The following SIMC1 variants were observed in gnomAD, a reference collection of about 807,000 sequenced individuals.
SIMC1 encodes SUMO-interacting motif-containing protein 1.
In SIMC1, 55 loss-of-function variants were observed where a neutral mutation model predicts 82.3. That is an observed-to-expected ratio of 0.67 (90% CI 0.54 to 0.84). The LOEUF (loss-of-function observed/expected upper bound fraction) is 0.84. SIMC1 is among the 40% of genes least tolerant of loss of function. The pLI is 0.00. For missense variants in SIMC1, 915 were observed against 1,107.2 expected (o/e 0.83, Z 2.46); for synonymous variants, 353 against 426.3 (o/e 0.83, Z 2.12).
intron 1 of SIMC1, among the ~76,000 whole-genome samples, chr5:176,261,747 C>CAA (rs370484804): frequency 8.3e-6 from 1 of 121,000 alleles, no homozygotes; most frequent in African/African-American, 2.9e-5. Flanking sequence ...GACTCTGTCT[C>CAA]AAAAAAAAAA....
At chr5:176,260,645 A>G (rs1286058476) in intron 1 of SIMC1, among the ~76,000 whole-genome samples, 1 of 152,106 alleles carries the variant, frequency 6.6e-6, no homozygotes, top group Non-Finnish European at 1.5e-5. Context: ...AGTTCCTTGC[A>G]GTGGAATTTT....
At chr5:176,249,466 T>C (rs1267857343) in intron 1 of SIMC1, among the ~76,000 whole-genome samples, 1 of 152,140 alleles carries the variant, frequency 6.6e-6, no homozygotes, top group Non-Finnish European at 1.5e-5. Context: ...TATTATTTTT[T>C]ATTGTATCTA....
At chr5:176,255,319 T>C (rs373429531) in intron 1 of SIMC1, among the ~76,000 whole-genome samples, 13 of 152,006 alleles carry the variant, frequency 8.6e-5, no homozygotes, top group African/African-American at 2.4e-4. Context: ...CTGTGGCTCA[T>C]GCCTGTAATC....
At chr5:176,285,755 A>G (rs552299325) in intron 1 of SIMC1, among the ~76,000 whole-genome samples, 10,377 of 152,164 alleles carry the variant, frequency 0.068, 1,169 homozygotes, top group African/African-American at 0.24. Flanking sequence ...TCTCAGCCCA[A>G]AATCTCCTTA....
intron 1 of SIMC1, chr5:176,263,405 A>G: frequency 6.5e-7 from 1 of 1,533,090 alleles, no homozygotes; most frequent in Non-Finnish European, 8.8e-7. Flanking sequence ...TATTTGGCTC[A>G]TAATTCTGCA....
At chr5:176,322,480 A>G (rs1435224108) in intron 6 of SIMC1, 55 bp downstream of exon 6, 5 of 1,529,018 alleles carry the variant, frequency 3.3e-6, no homozygotes, top group Non-Finnish European at 3.5e-6. Flanking sequence ...TGTTTTAGAG[A>G]GAACAACACC....
chr5:176,337,400 C>A (rs1458945073), intron 9 of SIMC1, among the ~76,000 whole-genome samples: 2 of 152,144 alleles, frequency 1.3e-5, no homozygotes, highest in South Asian at 4.1e-4. Context: ...GAACCTCCAG[C>A]CTGGCCAACA....
At chr5:176,284,042 G>A (rs373463391) in intron 1 of SIMC1, among the ~76,000 whole-genome samples, 1 of 152,050 alleles carries the variant, frequency 6.6e-6, no homozygotes, top group East Asian at 1.9e-4. Flanking sequence ...TTAGAGACCT[G>A]CAAAGAGACT....
chr5:176,335,395 G>A (rs1312025042), intron 7 of SIMC1, among the ~76,000 whole-genome samples: 1 of 147,502 alleles, frequency 6.8e-6, no homozygotes, highest in Non-Finnish European at 1.5e-5. Context: ...TCCTGCCTCA[G>A]CCTCCCAAGT....
chr5:176,262,534 G>A (rs1042640301), intron 1 of SIMC1, among the ~76,000 whole-genome samples: 1 of 152,212 alleles, frequency 6.6e-6, no homozygotes, highest in African/African-American at 2.4e-5. Flanking sequence ...GCCGGGCATG[G>A]TAGATCACGC....
intron 9 of SIMC1, among the ~76,000 whole-genome samples, chr5:176,342,582 T>G (rs1265656360): frequency 6.6e-6 from 1 of 152,212 alleles, no homozygotes; most frequent in African/African-American, 2.4e-5. Context: ...TTGCTGCGTC[T>G]TACCACGGCA....
At chr5:176,277,331 G>A (rs980968143) in intron 1 of SIMC1, among the ~76,000 whole-genome samples, 4 of 151,828 alleles carry the variant, frequency 2.6e-5, no homozygotes, top group African/African-American at 9.7e-5. Flanking sequence ...TGAGTTCATT[G>A]TAGATTCTGG....
At chr5:176,301,939 G>T (rs2113300027) in intron 4 of SIMC1, among the ~76,000 whole-genome samples, 1 of 152,258 alleles carries the variant, frequency 6.6e-6, no homozygotes, top group South Asian at 2.1e-4. Flanking sequence ...TACATGGGGG[G>T]ACTGGTTCCA....
intron 5 of SIMC1, among the ~76,000 whole-genome samples, chr5:176,315,616 T>C (rs1053937201): frequency 6.6e-6 from 1 of 152,138 alleles, no homozygotes; most frequent in African/African-American, 2.4e-5. Context: ...ACATTTACGC[T>C]CTCATATGTT....
chr5:176,282,859 G>A (rs182967892), intron 1 of SIMC1, among the ~76,000 whole-genome samples: 21 of 152,270 alleles, frequency 1.4e-4, no homozygotes, highest in South Asian at 6.2e-4. Context: ...ACCATGACAC[G>A]AGAACTACGT....
chr5:176,332,704 A>G (rs1765717682), intron 7 of SIMC1, among the ~76,000 whole-genome samples: 1 of 152,234 alleles, frequency 6.6e-6, no homozygotes, highest in African/African-American at 2.4e-5. Context: ...AATATTACAT[A>G]TTATTGGATA....
intron 4 of SIMC1, chr5:176,308,485 T>C (rs906788115): frequency 4.4e-6 from 7 of 1,607,704 alleles, no homozygotes; most frequent in Non-Finnish European, 6.0e-6. Flanking sequence ...ACCCAAGCCA[T>C]GTACCAGATG....
At chr5:176,291,645 A>G (rs1343559298) in intron 2 of SIMC1, among the ~76,000 whole-genome samples, 2 of 151,688 alleles carry the variant, frequency 1.3e-5, no homozygotes, top group Non-Finnish European at 2.9e-5. Context: ...ACGCCCGGCT[A>G]ATTTTTTGTA....
intron 4 of SIMC1, chr5:176,308,572 A>T: frequency 6.3e-7 from 1 of 1,591,610 alleles, no homozygotes; most frequent in East Asian, 2.2e-5. Flanking sequence ...CGGGTACTCT[A>T]CACTTGCTTC....
Sources: gnomAD v4.1 joint callset for allele counts (sites outside exome capture counted in the v4.1 genomes callset) on GRCh38, gnomAD v4.1.1 for gene constraint, MANE v1.5 for transcripts, NCBI Gene and HGNC (gene_info 2026-07-23, HGNC 2026-07-21) for gene names.